The following HIVEP3 variants were observed in gnomAD, a reference collection of about 807,000 sequenced individuals.
HIVEP3 encodes transcription factor HIVEP3.
Under a neutral mutation model 152.8 loss-of-function variants are expected in HIVEP3, and 49 were observed. The observed-to-expected ratio is 0.32, with a 90% CI of 0.26 to 0.41. HIVEP3 has a LOEUF of 0.41. HIVEP3 is among the 10% of genes least tolerant of loss of function. The pLI is 1.00. For missense variants in HIVEP3, 2,790 were observed against 3,103.3 expected, an observed-to-expected ratio of 0.90 and a Z score of 2.40; for synonymous variants, 1,269 against 1,289.0, an observed-to-expected ratio of 0.98 and a Z score of 0.33.
At chr1:42,004,819 G>A (rs1393164844) in intron 1 of HIVEP3, among the ~76,000 whole-genome samples, 2 of 152,182 alleles carry the variant, frequency 1.3e-5, no homozygotes, top group Non-Finnish European at 2.9e-5. Context: ...AACTCTGGGG[G>A]TGAAGCCTGG....
intron 1 of HIVEP3, among the ~76,000 whole-genome samples, chr1:41,764,783 C>T (rs541594481): frequency 3.3e-5 from 5 of 152,228 alleles, no homozygotes; most frequent in Middle Eastern, 3.4e-3. Flanking sequence ...GGGAAACTAC[C>T]ACACAAAGAA....
chr1:41,570,525 T>C (rs1220089175), intron 5 of HIVEP3, among the ~76,000 whole-genome samples: 1 of 152,136 alleles, frequency 6.6e-6, no homozygotes, highest in Non-Finnish European at 1.5e-5. Context: ...TCCACCATGA[T>C]TGTAAGTTTC....
At chr1:41,849,359 A>C (rs1389284337) in intron 1 of HIVEP3, among the ~76,000 whole-genome samples, 1 of 152,196 alleles carries the variant, frequency 6.6e-6, no homozygotes, top group East Asian at 1.9e-4. Flanking sequence ...AATGTGTGGA[A>C]ACTAACCATG....
chr1:41,556,250 C>T (rs2810561), intron 5 of HIVEP3, among the ~76,000 whole-genome samples: 118,758 of 152,198 alleles, frequency 0.78, 47,533 homozygotes, highest in Non-Finnish European at 0.89. Context: ...CCACCAGCAG[C>T]GTACAAAGGT....
At chr1:41,742,119 G>T (rs1647005820) in intron 1 of HIVEP3, among the ~76,000 whole-genome samples, 7 of 152,164 alleles carry the variant, frequency 4.6e-5, no homozygotes, top group Admixed American at 4.6e-4. Flanking sequence ...GAAGTTCGAG[G>T]TGGGGCTGGT....
chr1:41,825,962 C>T (rs1185642119), intron 1 of HIVEP3, among the ~76,000 whole-genome samples: 6 of 152,216 alleles, frequency 3.9e-5, no homozygotes, highest in African/African-American at 1.4e-4. Flanking sequence ...ATGAGCAACT[C>T]CACATCCCTG....
chr1:41,971,230 T>C (rs1645226878), intron 1 of HIVEP3, among the ~76,000 whole-genome samples: 1 of 152,184 alleles, frequency 6.6e-6, no homozygotes, highest in Non-Finnish European at 1.5e-5. Context: ...TGGACCACAG[T>C]AATCTGGCAT....
chr1:41,738,278 G>A (rs933504565), intron 1 of HIVEP3, among the ~76,000 whole-genome samples: 2 of 152,182 alleles, frequency 1.3e-5, no homozygotes, highest in African/African-American at 2.4e-5. Context: ...CGCAGAAATC[G>A]CAGGCACTGT....
At chr1:41,863,209 G>T (rs989841512) in intron 1 of HIVEP3, among the ~76,000 whole-genome samples, 3 of 152,208 alleles carry the variant, frequency 2.0e-5, no homozygotes, top group South Asian at 2.1e-4. Flanking sequence ...GGTCAGATCT[G>T]CTTCTGCTGG....
At position 41,511,605 on chromosome 1, in the gene HIVEP3, T is replaced by C. The variant is rs1260451309; in HGVS notation, c.6406-339A>G. Among the ~76,000 whole-genome samples, 1 of 152,236 alleles carries C rather than the reference T, an allele frequency of 6.6e-6. No homozygotes were observed. The highest frequency in any genetic ancestry group is 2.4e-5 in the African/African-American group (1 of 41,466). ...CATGAGCCTGGCCTCTATGTGGGTC[T>C]GCTGCCTGTCCTGTTCCTAAAATGG... On this transcript the variant is annotated intron_variant, in intron 8 of 8. Transcript: ENST00000372583. The surrounding 1 kb of genome is among the most constrained non-coding windows in gnomAD (Gnocchi z 4.9).
At chr1:41,563,018 G>T (rs2149090572) in intron 5 of HIVEP3, among the ~76,000 whole-genome samples, 1 of 152,194 alleles carries the variant, frequency 6.6e-6, no homozygotes, top group East Asian at 1.9e-4. Context: ...GAGGGGGGAT[G>T]TCAGGCACAA....
intron 3 of HIVEP3, among the ~76,000 whole-genome samples, chr1:41,627,353 A>G (rs1414176987): frequency 6.6e-6 from 1 of 152,234 alleles, no homozygotes; most frequent in Non-Finnish European, 1.5e-5. Context: ...GCCTCACACA[A>G]CCACTAAGAG....
In HIVEP3 at chr1:41,512,808, G is replaced by A. The variant is rs1237815378; in HGVS notation, c.6405+8C>T. ...GAAGCGGCCCAGCCACCAGGGGCAGGAACTCACCCACGGGGAGGCGCAGGT... is the reference window on the plus strand; with the variant it reads ...GAAGCGGCCCAGCCACCAGGGGCAGAAACTCACCCACGGGGAGGCGCAGGT... On this transcript the variant is annotated splice_region_variant and intron_variant, in intron 8 of 8. Transcript: ENST00000372583. 1 of 1,479,746 alleles carries A rather than the reference G, an allele frequency of 6.8e-7. No individual in the cohort carries two copies. The highest frequency in any genetic ancestry group is 9.0e-7 in the Non-Finnish European group (1 of 1,110,684). 91.7% of individuals were successfully genotyped at this position (1,479,746 alleles called of 1,614,324 possible). A position where few individuals can be genotyped will look rare whatever the true frequency, so the allele number is the denominator to read the frequency against.
Position 41,619,707 on chromosome 1 carries a change from G to C in HIVEP3, c.-522+9042C>G, listed in dbSNP as rs979137054. Among the ~76,000 whole-genome samples, 6 of 152,276 alleles carry C rather than the reference G, an allele frequency of 3.9e-5. No individual in the cohort carries two copies. In the East Asian group the frequency reaches 9.7e-4, roughly 24 times the overall value. ...GGCATATGTAGGCTCAGCAGAGGGAGAGCCAGGGCTCCAGGGAGGTCAGCT... is the reference window on the plus strand; with the variant it reads ...GGCATATGTAGGCTCAGCAGAGGGACAGCCAGGGCTCCAGGGAGGTCAGCT... On this transcript the variant is annotated intron_variant, in intron 3 of 8. Transcript: ENST00000372583.
At chr1:41,776,657 G>T (rs1014603028) in intron 1 of HIVEP3, among the ~76,000 whole-genome samples, 8 of 152,202 alleles carry the variant, frequency 5.3e-5, no homozygotes, top group Admixed American at 3.9e-4. Flanking sequence ...AGTCTTCAGG[G>T]GTGGGGGTAT....
chr1:41,557,085 T>C (rs1643978154), intron 5 of HIVEP3, among the ~76,000 whole-genome samples: 1 of 152,250 alleles, frequency 6.6e-6, no homozygotes, highest in Non-Finnish European at 1.5e-5. Flanking sequence ...CATTGTCCTC[T>C]TGCAAGATTG....
At chr1:41,901,674 A>C (rs1470889855) in intron 1 of HIVEP3, among the ~76,000 whole-genome samples, 3 of 152,202 alleles carry the variant, frequency 2.0e-5, no homozygotes, top group Non-Finnish European at 2.9e-5. Flanking sequence ...GGCATTTATT[A>C]AGACGCAGGT....
rs749564056 is a variant in HIVEP3 at position 41,583,690 on chromosome 1, C to T, written c.1108G>A (p.Glu370Lys). 1.2e-5 allele frequency: 19 copies of T among 1,613,452 alleles called. No individual in the cohort carries two copies. The highest frequency in any genetic ancestry group is 1.0e-4 in the Admixed American group (6 of 59,968). Residue 370 changes from glutamate to lysine, a missense_variant, in exon 4 of 9, where the codon GAG becomes AAG. Coordinates refer to ENST00000372583, the MANE Select transcript of HIVEP3 (RefSeq NM_024503.5). This position sits in a 1 kb window ranked among gnomAD's most constrained non-coding sequence, Gnocchi z 6.9. ...IKQKLALRLS[E>K]RKKVIDEQAF... ...TGCTCATCGATCACCTTCTTCCTCT[C>T]GCTTAAGCGGAGGGCCAGCTTCTGC...
chr1:41,545,275 TCA>T (rs1643729404), intron 5 of HIVEP3, among the ~76,000 whole-genome samples: 2 of 38,042 alleles, frequency 5.3e-5, no homozygotes, highest in African/African-American at 2.2e-4. Context: ...ACCACCACCA[TCA>T]CTACCACCAC....
Sources: gnomAD v4.1 joint callset for allele counts (sites outside exome capture counted in the v4.1 genomes callset) on GRCh38, gnomAD v4.1.1 for gene constraint, Gnocchi (gnomAD v3.1) non-coding constraint, MANE v1.5 for transcripts, NCBI Gene and HGNC (gene_info 2026-07-23, HGNC 2026-07-21) for gene names.